ADAMTS12: variants seen among roughly 807,000 people sequenced by gnomAD.
ADAMTS12 encodes the protein ADAM metallopeptidase with thrombospondin type 1 motif 12.
Under a neutral mutation model 167.8 loss-of-function variants are expected in ADAMTS12, and 118 were observed. The observed-to-expected ratio is 0.70, with a 90% CI of 0.61 to 0.82. ADAMTS12 has a LOEUF of 0.82. ADAMTS12 is among the 40% of genes least tolerant of loss of function. The probability of loss-of-function intolerance (pLI) is 0.00; values close to 1 mark genes in which losing one functional copy is unlikely to be tolerated. For missense variants in ADAMTS12, 1,916 were observed against 1,998.8 expected (o/e 0.96, Z 0.79); for synonymous variants, 704 against 716.9 (o/e 0.98, Z 0.29).
chr5:33,745,447 T>C (rs1401377556), intron 3 of ADAMTS12, among the ~76,000 whole-genome samples: 2 of 152,186 alleles, frequency 1.3e-5, no homozygotes, highest in Non-Finnish European at 2.9e-5. Context: ...GTGAAACTGA[T>C]CCTTTGCTCA....
At chr5:33,592,961 A>T (rs1747721003) in intron 17 of ADAMTS12, among the ~76,000 whole-genome samples, 1 of 152,172 alleles carries the variant, frequency 6.6e-6, no homozygotes, top group Non-Finnish European at 1.5e-5. Flanking sequence ...AAATAATATT[A>T]GTTTATTATT....
At chr5:33,711,581 C>T (rs1743405302) in intron 3 of ADAMTS12, among the ~76,000 whole-genome samples, 1 of 152,126 alleles carries the variant, frequency 6.6e-6, no homozygotes, top group South Asian at 2.1e-4. Context: ...CTGTTACTCT[C>T]TTAAACGACA....
intron 3 of ADAMTS12, among the ~76,000 whole-genome samples, chr5:33,728,931 T>A (rs917108500): frequency 2.0e-5 from 3 of 152,262 alleles, no homozygotes; most frequent in African/African-American, 7.2e-5. Flanking sequence ...TATGTGTATA[T>A]GTACATGATA....
At chr5:33,549,583 A>T (rs553204415) in intron 20 of ADAMTS12, among the ~76,000 whole-genome samples, 200 bp from the exon 21 acceptor site, 25 of 152,300 alleles carry the variant, frequency 1.6e-4, no homozygotes, top group Admixed American at 2.0e-4. Flanking sequence ...CATGCATAGG[A>T]GTGTTTCTGC....
chr5:33,661,795 T>C (rs1432706007), intron 6 of ADAMTS12, 121 bp downstream of exon 6: 10 of 1,384,232 alleles, frequency 7.2e-6, no homozygotes, highest in South Asian at 2.7e-5. Context: ...TCAAAGACAC[T>C]GTCTTTACAA....
chr5:33,799,763 A>G (rs1317230470), intron 2 of ADAMTS12, among the ~76,000 whole-genome samples: 1 of 152,244 alleles, frequency 6.6e-6, no homozygotes, highest in Non-Finnish European at 1.5e-5. Context: ...AGGATGGTAG[A>G]AGCTGGGCCA....
chr5:33,721,970 G>A (rs567099273), intron 3 of ADAMTS12, among the ~76,000 whole-genome samples: 10 of 152,260 alleles, frequency 6.6e-5, no homozygotes, highest in Admixed American at 2.0e-4. Context: ...CAGCAGGATC[G>A]GTATGTGAGG....
chr5:33,695,334 G>T (rs1228507160), intron 3 of ADAMTS12, among the ~76,000 whole-genome samples: 1 of 152,114 alleles, frequency 6.6e-6, no homozygotes, highest in Admixed American at 6.5e-5. Flanking sequence ...ATTCAGTTAA[G>T]AAATTTTTAT....
intron 19 of ADAMTS12, among the ~76,000 whole-genome samples, chr5:33,565,740 A>T (rs1380116395): frequency 6.6e-6 from 1 of 150,694 alleles, no homozygotes; most frequent in Non-Finnish European, 1.5e-5. Context: ...GTCAAAGTCA[A>T]ATAATGATGT....
intron 3 of ADAMTS12, among the ~76,000 whole-genome samples, chr5:33,724,591 G>A (rs1197299882): frequency 2.1e-5 from 3 of 143,356 alleles, no homozygotes; most frequent in Non-Finnish European, 4.5e-5. Flanking sequence ...TCGCTCTTTC[G>A]CCCAGGTTGG....
chr5:33,752,953 C>T (rs1745044020), intron 2 of ADAMTS12, among the ~76,000 whole-genome samples: 1 of 152,202 alleles, frequency 6.6e-6, no homozygotes, highest in Admixed American at 6.5e-5. Flanking sequence ...TTAACATAAA[C>T]CTCACAATCA....
intron 3 of ADAMTS12, among the ~76,000 whole-genome samples, chr5:33,703,152 A>G (rs1036301783): frequency 3.3e-5 from 5 of 152,206 alleles, no homozygotes; most frequent in African/African-American, 1.2e-4. Flanking sequence ...TCTGGTGATG[A>G]TTAAGATCTG....
Position 33,614,252 on chromosome 5 carries a change from A to G in ADAMTS12, c.2513T>C (p.Val838Ala), listed in dbSNP as rs765970350. 6.8e-6 allele frequency: 11 copies of G among 1,613,748 alleles called. No individual in the cohort carries two copies. The highest frequency in any genetic ancestry group is 9.3e-6 in the Non-Finnish European group (11 of 1,179,926). Residue 838 changes from valine (V) to alanine (A), a missense_variant, in exon 16 of 24, where the codon GTG becomes GCG. Transcript: ENST00000504830. ...CTGTTTCTCACCTGTCCCGCAGGTCACACTGCACTCTGTCCAGTGGCCGTA... is the reference window on the plus strand; with the variant it reads ...CTGTTTCTCACCTGTCCCGCAGGTCGCACTGCACTCTGTCCAGTGGCCGTA... ...WQYGHWTECS[V>A]TCGTGIRRQT...
At chr5:33,677,476 CA>C (rs1741955287) in intron 5 of ADAMTS12, among the ~76,000 whole-genome samples, 1 of 152,190 alleles carries the variant, frequency 6.6e-6, no homozygotes, top group Non-Finnish European at 1.5e-5. Context: ...TCTGTGATGT[CA>C]AGCTGCTCAC....
intron 16 of ADAMTS12, among the ~76,000 whole-genome samples, chr5:33,601,104 A>AAAGTGT (rs1220695927): frequency 1.2e-4 from 10 of 80,168 alleles, no homozygotes; most frequent in African/African-American, 3.7e-4. Context: ...AACACATTTA[A>AAAGTGT]GAGTGTGTGT....
chr5:33,815,867 T>C (rs1386153023), intron 2 of ADAMTS12, among the ~76,000 whole-genome samples: 1 of 152,196 alleles, frequency 6.6e-6, no homozygotes, highest in Non-Finnish European at 1.5e-5. Flanking sequence ...TCTCTTTCCT[T>C]TCACAGCTGG....
intron 3 of ADAMTS12, among the ~76,000 whole-genome samples, chr5:33,745,032 G>T (rs1744730782): frequency 6.6e-6 from 1 of 152,178 alleles, no homozygotes; most frequent in South Asian, 2.1e-4. Context: ...AGCCCAGGCT[G>T]GTCTTGAACT....
chr5:33,831,893 G>A (rs961452319), intron 2 of ADAMTS12, among the ~76,000 whole-genome samples: 7 of 152,214 alleles, frequency 4.6e-5, no homozygotes, highest in Non-Finnish European at 7.3e-5. Context: ...GCTAGAAGTG[G>A]GGAGGTCCTC....
intron 3 of ADAMTS12, among the ~76,000 whole-genome samples, chr5:33,748,515 G>C (rs1457060666): frequency 6.6e-6 from 1 of 152,164 alleles, no homozygotes; most frequent in Non-Finnish European, 1.5e-5. Context: ...GTCATATTGT[G>C]ACATTTGGGC....
Sources: gnomAD v4.1 joint callset for allele counts (sites outside exome capture counted in the v4.1 genomes callset) on GRCh38, gnomAD v4.1.1 for gene constraint, MANE v1.5 for transcripts, NCBI Gene and HGNC (gene_info 2026-07-23, HGNC 2026-07-21) for gene names.